Variants in ADGRL2 observed in about 807,000 individuals in gnomAD.
ADGRL2 encodes adhesion G protein-coupled receptor L2.
ADGRL2 carries 44 observed loss-of-function variants against 157.4 expected under a neutral mutation model. The observed-to-expected ratio is 0.28, with a 90% CI of 0.22 to 0.36. The LOEUF is 0.36. Ranked by LOEUF, ADGRL2 falls within the 10% of genes least tolerant of loss-of-function variation. The pLI is 1.00. For missense variants in ADGRL2, 1,510 were observed against 1,768.9 expected, an observed-to-expected ratio of 0.85 and a Z score of 2.63; for synonymous variants, 585 against 624.7, an observed-to-expected ratio of 0.94 and a Z score of 0.95.
At chr1:81,618,338 A>T (rs1008887161) in intron 3 of ADGRL2, among the ~76,000 whole-genome samples, 7 of 152,186 alleles carry the variant, frequency 4.6e-5, no homozygotes, top group Non-Finnish European at 8.8e-5. Context: ...AGCTCATGAT[A>T]CACTGTTCCC....
Position 81,769,781 on chromosome 1 carries a change from A to G in ADGRL2, c.-101+7929A>G, listed in dbSNP as rs563075785. On this transcript the variant is annotated intron_variant, in intron 2 of 20. Transcript: ENST00000359929. ...TCTGAAGGGAAATTACATCTTTCTT[A>G]CCACTTTTAGTGTTTCAATACAAGC... Among the ~76,000 whole-genome samples, 169 of 152,130 alleles carry G rather than the reference A, an allele frequency of 1.1e-3. 1 individual carries two copies. The highest frequency in any genetic ancestry group is 9.7e-3 in the South Asian group (47 of 4,826).
At chr1:81,384,364 T>C (rs1454001228) in intron 1 of ADGRL2, among the ~76,000 whole-genome samples, 1 of 152,180 alleles carries the variant, frequency 6.6e-6, no homozygotes, top group Admixed American at 6.5e-5. Flanking sequence ...TGGGTGTGTG[T>C]GCACGCATGT....
intron 1 of ADGRL2, among the ~76,000 whole-genome samples, chr1:81,730,912 C>T (rs2084700887): frequency 6.7e-6 from 1 of 149,528 alleles, no homozygotes; most frequent in Non-Finnish European, 1.5e-5. Context: ...TATACACAGA[C>T]AAAACCTGTA....
intron 2 of ADGRL2, among the ~76,000 whole-genome samples, chr1:81,844,800 A>G (rs1414892253): frequency 1.3e-5 from 2 of 152,186 alleles, no homozygotes; most frequent in African/African-American, 4.8e-5. Context: ...CACTTCAGGA[A>G]GCAGAAACAA....
chr1:81,754,774 T>C (rs1342548677), intron 1 of ADGRL2, among the ~76,000 whole-genome samples: 3 of 151,566 alleles, frequency 2.0e-5, no homozygotes, highest in African/African-American at 7.3e-5. Context: ...GCAACTTTCT[T>C]GCTTTGTAGC....
intron 2 of ADGRL2, among the ~76,000 whole-genome samples, chr1:81,842,895 A>G (rs1022033489): frequency 3.3e-5 from 5 of 152,080 alleles, no homozygotes; most frequent in African/African-American, 7.2e-5. Context: ...AGATTTCCCA[A>G]TCTAACAAAA....
At chr1:81,814,288 T>C (rs2090167287) in intron 1 of ADGRL2, among the ~76,000 whole-genome samples, 1 of 151,680 alleles carries the variant, frequency 6.6e-6, no homozygotes. Flanking sequence ...TTAATTGTTC[T>C]TGCATCTGTG....
intron 23 of ADGRL2, chr1:81,988,538 C>G (rs2149519836): frequency 6.6e-6 from 1 of 151,944 alleles, no homozygotes; most frequent in African/African-American, 2.4e-5. Flanking sequence ...TTGTGTCTAC[C>G]AAGTTAAAGG....
intron 1 of ADGRL2, among the ~76,000 whole-genome samples, chr1:81,330,801 T>G (rs1406636607): frequency 6.6e-6 from 1 of 152,156 alleles, no homozygotes; most frequent in Non-Finnish European, 1.5e-5. Context: ...CAGGCAGAAG[T>G]GCAAAAAAGT....
chr1:81,887,272 TA>T (rs2094148260), intron 2 of ADGRL2, among the ~76,000 whole-genome samples: 1 of 152,342 alleles, frequency 6.6e-6, no homozygotes, highest in African/African-American at 2.4e-5. Flanking sequence ...TCTTTCTACA[TA>T]GTGCCTAACA....
At chr1:81,756,652 G>A (rs1031173380) in intron 1 of ADGRL2, among the ~76,000 whole-genome samples, 9 of 152,070 alleles carry the variant, frequency 5.9e-5, no homozygotes, top group South Asian at 2.1e-4. Context: ...TAACTGTTAC[G>A]GACATGACAA....
At chr1:81,723,190 T>C (rs2084394809) in intron 1 of ADGRL2, 1 of 493,376 alleles carries the variant, frequency 2.0e-6, no homozygotes, top group East Asian at 3.3e-5. Flanking sequence ...CTGGGGTGCT[T>C]TGAAGATAAT....
intron 1 of ADGRL2, among the ~76,000 whole-genome samples, chr1:81,342,378 C>G (rs1258972114): frequency 2.0e-5 from 3 of 152,068 alleles, no homozygotes; most frequent in Non-Finnish European, 4.4e-5. Flanking sequence ...TATCATGTAC[C>G]TTTGACAATT....
chr1:81,717,279 A>G (rs1308619482), intron 1 of ADGRL2, among the ~76,000 whole-genome samples: 1 of 152,200 alleles, frequency 6.6e-6, no homozygotes. Context: ...GTAAGTCCAC[A>G]GGAACCCAGC....
chr1:81,963,091 A>G (rs1052991918), intron 11 of ADGRL2, among the ~76,000 whole-genome samples: 1 of 152,020 alleles, frequency 6.6e-6, no homozygotes, highest in African/African-American at 2.4e-5. Flanking sequence ...AGGTCTTCTT[A>G]TAAAGTTATA....
chr1:81,911,701 A>G (rs1294261051), intron 3 of ADGRL2, among the ~76,000 whole-genome samples: 1 of 152,218 alleles, frequency 6.6e-6, no homozygotes, highest in Non-Finnish European at 1.5e-5. Context: ...TGAGTTTCAC[A>G]TGCATAGTTA....
At chr1:81,726,793 C>A (rs2084545037) in intron 1 of ADGRL2, among the ~76,000 whole-genome samples, 1 of 152,068 alleles carries the variant, frequency 6.6e-6, no homozygotes, top group Non-Finnish European at 1.5e-5. Flanking sequence ...CTTTGTTTTT[C>A]CTTAATTAGA....
At chr1:81,532,598 CAA>C (rs556846085) in intron 2 of ADGRL2, among the ~76,000 whole-genome samples, 2,583 of 124,196 alleles carry the variant, frequency 0.021, 73 homozygotes, top group African/African-American at 0.07. Context: ...ATCTGGAAAC[CAA>C]AAAAAAAAAA....
At chr1:81,545,975 G>C (rs1263807793) in intron 2 of ADGRL2, among the ~76,000 whole-genome samples, 1 of 152,178 alleles carries the variant, frequency 6.6e-6, no homozygotes, top group African/African-American at 2.4e-5. Context: ...CTGTCGGCAG[G>C]CCTGGATCAG....
Sources: allele counts gnomAD v4.1 joint callset (sites outside exome capture counted in the v4.1 genomes callset), GRCh38; gene constraint gnomAD v4.1.1; transcripts MANE v1.5; gene names NCBI Gene and HGNC (gene_info 2026-07-23, HGNC 2026-07-21).